Variants in NUBPL observed in about 807,000 individuals in gnomAD.
NUBPL encodes the protein iron-sulfur cluster transfer protein NUBPL.
Under a neutral mutation model 45.7 loss-of-function variants are expected in NUBPL, and 31 were observed. The ratio of observed to expected loss-of-function variants is 0.68; its 90% CI spans 0.51 to 0.92. The LOEUF (loss-of-function observed/expected upper bound fraction) is 0.92. Ranked by LOEUF, NUBPL falls within the 40% of genes least tolerant of loss-of-function variation. The pLI, the probability that NUBPL is intolerant of heterozygous loss-of-function variation, is 0.00. For missense variants in NUBPL, 401 were observed against 398.7 expected (o/e 1.01, Z -0.05); for synonymous variants, 144 against 140.9 (o/e 1.02, Z -0.15).
intron 6 of NUBPL, among the ~76,000 whole-genome samples, chr14:31,713,101 A>G (rs1363812702): frequency 6.6e-6 from 1 of 152,164 alleles, no homozygotes; most frequent in Non-Finnish European, 1.5e-5. Flanking sequence ...TTCCTGAGAA[A>G]GGAACTTAAA....
At chr14:31,604,721 A>G (rs567674885) in intron 4 of NUBPL, among the ~76,000 whole-genome samples, 10 of 152,204 alleles carry the variant, frequency 6.6e-5, no homozygotes, top group Non-Finnish European at 1.3e-4. Flanking sequence ...GGTGGGGGGA[A>G]TTGTAGAAAA....
At position 31,716,352 on chromosome 14, in the gene NUBPL, G is replaced by A. The variant is rs569504606; in HGVS notation, c.513+42778G>A. On this transcript the variant is annotated intron_variant, in intron 6 of 10. Coordinates refer to ENST00000281081, the MANE Select transcript of NUBPL (RefSeq NM_025152.3). ...CATCATCACCATCACCCAGTATTAT[G>A]TACTGTACCTAATTGTATATGTTAC... is the stretch of plus-strand genomic sequence containing the variant. 6.6e-5 allele frequency among the ~76,000 whole-genome samples: 10 copies of A among 152,258 alleles called. No homozygotes were observed. The East Asian group carries it at 1.7e-3, about 26-fold the overall frequency.
intron 2 of NUBPL, among the ~76,000 whole-genome samples, chr14:31,564,260 A>G (rs1335613783): frequency 6.6e-6 from 1 of 152,186 alleles, no homozygotes; most frequent in Non-Finnish European, 1.5e-5. Context: ...CAGCATAAGC[A>G]GTTTGGGAAC....
intron 6 of NUBPL, among the ~76,000 whole-genome samples, chr14:31,767,198 T>C (rs2038929646): frequency 1.3e-5 from 2 of 152,090 alleles, no homozygotes; most frequent in South Asian, 4.2e-4. Flanking sequence ...CTGGCTTATT[T>C]ATTTATTTTA....
At chr14:31,666,600 C>T (rs1420545141) in intron 4 of NUBPL, among the ~76,000 whole-genome samples, 3 of 151,960 alleles carry the variant, frequency 2.0e-5, no homozygotes, top group Non-Finnish European at 2.9e-5. Context: ...GATCATAATG[C>T]TAGCTGGTTA....
intron 4 of NUBPL, among the ~76,000 whole-genome samples, chr14:31,629,737 A>G (rs1448215892): frequency 6.6e-6 from 1 of 152,194 alleles, no homozygotes. Flanking sequence ...CTTTATAAAA[A>G]TGGAGAAATG....
At chr14:31,787,396 T>A (rs2039303484) in intron 6 of NUBPL, among the ~76,000 whole-genome samples, 1 of 152,282 alleles carries the variant, frequency 6.6e-6, no homozygotes, top group South Asian at 2.1e-4. Context: ...TTAAAAAAAT[T>A]ATATTAGCAT....
intron 6 of NUBPL, among the ~76,000 whole-genome samples, chr14:31,721,823 G>T (rs937016009): frequency 6.6e-6 from 1 of 151,820 alleles, no homozygotes; most frequent in Non-Finnish European, 1.5e-5. Flanking sequence ...GTATTCATGT[G>T]TTCTCATCTC....
chr14:31,811,093 G>A (rs951884382), intron 7 of NUBPL, among the ~76,000 whole-genome samples: 2 of 152,070 alleles, frequency 1.3e-5, no homozygotes, highest in African/African-American at 4.8e-5. Context: ...ATAATTATAT[G>A]TCTTGGGGTT....
chr14:31,747,059 G>A (rs1296484220), intron 6 of NUBPL, among the ~76,000 whole-genome samples: 1 of 119,976 alleles, frequency 8.3e-6, no homozygotes, highest in Non-Finnish European at 1.6e-5. Flanking sequence ...GATACAGAGA[G>A]AGAACCTGTC....
intron 3 of NUBPL, among the ~76,000 whole-genome samples, chr14:31,570,455 T>C (rs2033552904): frequency 6.6e-6 from 1 of 152,170 alleles, no homozygotes; most frequent in Non-Finnish European, 1.5e-5. Context: ...CTGCCCAAGA[T>C]GAGTAGCTTT....
At chr14:31,815,936 C>T (rs1296366634) in intron 7 of NUBPL, among the ~76,000 whole-genome samples, 2 of 152,082 alleles carry the variant, frequency 1.3e-5, no homozygotes, top group African/African-American at 4.8e-5. Context: ...ATTCGGTTTG[C>T]CAGTATTTTA....
chr14:31,621,013 C>G (rs551847890), intron 4 of NUBPL, among the ~76,000 whole-genome samples: 1 of 152,182 alleles, frequency 6.6e-6, no homozygotes, highest in Admixed American at 6.5e-5. Flanking sequence ...GCAGTATGGC[C>G]GCACCAGCAT....
chr14:31,768,474 T>C (rs574399049), intron 6 of NUBPL, among the ~76,000 whole-genome samples: 8 of 152,344 alleles, frequency 5.3e-5, no homozygotes, highest in Admixed American at 5.2e-4. Flanking sequence ...GTTTGGAACA[T>C]TTCACTGCCT....
intron 6 of NUBPL, among the ~76,000 whole-genome samples, chr14:31,742,237 T>TACACACACACACACACACACAC (rs3035713): frequency 2.8e-5 from 4 of 141,382 alleles, no homozygotes; most frequent in Non-Finnish European, 6.2e-5. Flanking sequence ...AACTATTGTG[T>TACACACACACACACACACACAC]ACACACACAC....
At chr14:31,688,767 A>G (rs745977277) in intron 6 of NUBPL, among the ~76,000 whole-genome samples, 1 of 150,730 alleles carries the variant, frequency 6.6e-6, no homozygotes, top group Non-Finnish European at 1.5e-5. Flanking sequence ...TCACCCAGGT[A>G]CTAAGCCTAG....
At chr14:31,633,324 A>T (rs967424349) in intron 4 of NUBPL, among the ~76,000 whole-genome samples, 4 of 152,228 alleles carry the variant, frequency 2.6e-5, no homozygotes, top group Admixed American at 6.5e-5. Context: ...CACCAAACAT[A>T]TAACGTATTC....
chr14:31,721,985 A>G (rs1228773673), intron 6 of NUBPL, among the ~76,000 whole-genome samples: 1 of 151,978 alleles, frequency 6.6e-6, no homozygotes, highest in Non-Finnish European at 1.5e-5. Context: ...TCCATGGTGT[A>G]TATGTACCAC....
intron 7 of NUBPL, among the ~76,000 whole-genome samples, chr14:31,799,021 G>A (rs935582450): frequency 6.6e-6 from 1 of 151,896 alleles, no homozygotes; most frequent in Non-Finnish European, 1.5e-5. Context: ...GTGGGACAGG[G>A]CAGTTAGTAG....
Sources: gnomAD v4.1 joint callset for allele counts (sites outside exome capture counted in the v4.1 genomes callset) on GRCh38, gnomAD v4.1.1 for gene constraint, MANE v1.5 for transcripts, NCBI Gene and HGNC (gene_info 2026-07-23, HGNC 2026-07-21) for gene names.